Variants in DCBLD1 observed in about 807,000 individuals in gnomAD.
The protein encoded by DCBLD1 is discoidin, CUB and LCCL domain-containing protein 1.
DCBLD1 carries 57 observed loss-of-function variants against 71.5 expected under a neutral mutation model. The observed-to-expected ratio is 0.80, with a 90% CI of 0.64 to 0.99. The LOEUF (loss-of-function observed/expected upper bound fraction) is 0.99, where lower values mean the gene tolerates loss of function less well. DCBLD1 is among the 50% of genes least tolerant of loss of function. The probability of loss-of-function intolerance (pLI) is 0.00; values close to 1 mark genes in which losing one functional copy is unlikely to be tolerated. For synonymous variants in DCBLD1, 380 were observed against 363.8 expected (o/e 1.04, Z -0.51); for missense variants, 891 against 923.5 (o/e 0.96, Z 0.46).
chr6:117,569,789 C>A (rs1484811512), exon 15 of DCBLD1: 3 of 1,481,312 alleles, frequency 2.0e-6, no homozygotes, highest in East Asian at 5.1e-5. Flanking sequence ...GGTACAGTTA[C>A]CGATTAATCT....
At chr6:117,530,986 CCT>C (rs2114520101) in intron 5 of DCBLD1, among the ~76,000 whole-genome samples, 1 of 151,932 alleles carries the variant, frequency 6.6e-6, no homozygotes, top group African/African-American at 2.4e-5. Flanking sequence ...TGAAATCTTT[CCT>C]CTCTTTTGTT....
downstream of DCBLD1, among the ~76,000 whole-genome samples, chr6:117,552,049 G>A (rs888973801): frequency 6.6e-6 from 1 of 152,156 alleles, no homozygotes; most frequent in Admixed American, 6.5e-5. Flanking sequence ...GAGCCCAGAC[G>A]GTGGAGGTTG....
At chr6:117,496,409 A>C (rs576146186) in intron 1 of DCBLD1, among the ~76,000 whole-genome samples, 1 of 152,360 alleles carries the variant, frequency 6.6e-6, no homozygotes, top group South Asian at 2.1e-4. Flanking sequence ...CAAGGTAAAA[A>C]GCTAAGCACA....
intron 4 of DCBLD1, 61 bp downstream of exon 4, chr6:117,521,637 CACGTTAAACCAGAT>C: frequency 7.3e-7 from 1 of 1,374,188 alleles, no homozygotes; most frequent in South Asian, 1.3e-5. Flanking sequence ...TGTTTTCTTT[CACGTTAAACCAGAT>C]ACGTTTGTAC....
chr6:117,538,908 G>A (rs1392628119), intron 8 of DCBLD1, 73 bp downstream of exon 8: 7 of 1,462,406 alleles, frequency 4.8e-6, no homozygotes, highest in East Asian at 4.9e-5. Context: ...TTGAAAATAC[G>A]CTTATTGTTT....
At chr6:117,563,733 T>C (rs1341818474) in intron 14 of DCBLD1, among the ~76,000 whole-genome samples, 1 of 140,776 alleles carries the variant, frequency 7.1e-6, no homozygotes, top group East Asian at 2.1e-4. Flanking sequence ...ATTAAAAAAA[T>C]TAAAAAAAAA....
chr6:117,508,725 G>A (rs1777918200), intron 2 of DCBLD1, among the ~76,000 whole-genome samples: 1 of 152,156 alleles, frequency 6.6e-6, no homozygotes, highest in African/African-American at 2.4e-5. Flanking sequence ...ATAAGGTTGG[G>A]TCCGAGTTTT....
chr6:117,566,867 G>T (rs1260673132), intron 14 of DCBLD1: 1 of 1,569,746 alleles, frequency 6.4e-7, no homozygotes. Flanking sequence ...GTAATACTTT[G>T]ATTTCCCCAC....
At chr6:117,530,584 TC>T (rs1778683731) in intron 5 of DCBLD1, among the ~76,000 whole-genome samples, 1 of 152,058 alleles carries the variant, frequency 6.6e-6, no homozygotes, top group South Asian at 2.1e-4. Flanking sequence ...CTAGACAACA[TC>T]CAGTCCAGGC....
At chr6:117,491,707 T>C (rs1427395418) in intron 1 of DCBLD1, among the ~76,000 whole-genome samples, 1 of 152,180 alleles carries the variant, frequency 6.6e-6, no homozygotes, top group Non-Finnish European at 1.5e-5. Context: ...GGTCTACATA[T>C]TAGTTATTAT....
At chr6:117,566,026 C>T (rs899203892) in intron 14 of DCBLD1, among the ~76,000 whole-genome samples, 6 of 152,270 alleles carry the variant, frequency 3.9e-5, no homozygotes, top group African/African-American at 1.2e-4. Context: ...ACTGCCATTT[C>T]ATCAAAGATA....
chr6:117,545,675 G>A, intron 14 of DCBLD1, 78 bp downstream of exon 14: 1 of 1,530,650 alleles, frequency 6.5e-7, no homozygotes, highest in Non-Finnish European at 8.8e-7. Context: ...AGAGAAATAA[G>A]GCAAAATCCT....
At chr6:117,514,211 A>G (rs773086064) in intron 2 of DCBLD1, among the ~76,000 whole-genome samples, 1 of 152,234 alleles carries the variant, frequency 6.6e-6, no homozygotes, top group Non-Finnish European at 1.5e-5. Flanking sequence ...ATGTTTTGCC[A>G]TAGGCAATAC....
At chr6:117,544,666 A>T in intron 13 of DCBLD1, 89 bp downstream of exon 13, 2 of 1,438,784 alleles carry the variant, frequency 1.4e-6, no homozygotes, top group Non-Finnish European at 1.9e-6. Context: ...CCAGTGGCCC[A>T]CATTTATTTG....
intron 8 of DCBLD1, 70 bp from the exon 9 acceptor site, chr6:117,539,185 T>G: frequency 7.4e-7 from 1 of 1,353,560 alleles, no homozygotes; most frequent in Non-Finnish European, 9.9e-7. Flanking sequence ...AAAATGAAAC[T>G]TGAAATTATA....
rs1778993525 is a variant in DCBLD1, at chr6:117,538,827, AAAT to A, written c.971_973del (p.Ile324del). The stretch of plus-strand genomic sequence containing the variant: ...GAGATCGATTTGGGGGAGAAAAAGA[AAAT>A]AACAGGTGCAGAAAATAACACAAGT... On this transcript the variant is annotated inframe_deletion, in exon 8 of 15. Coordinates refer to ENST00000338728, the MANE Select transcript of DCBLD1 (RefSeq NM_001366458.2). The A allele has an allele frequency of 6.2e-7, 1 of 1,611,890 alleles. No homozygotes were observed. Among genetic ancestry groups the A allele is most frequent in the Non-Finnish European group, 8.5e-7 (1 of 1,179,010 alleles).
Position 117,483,068 on chromosome 6 carries a change from G to A in DCBLD1, c.112+175G>A, listed in dbSNP as rs529318788. On this transcript the variant is annotated intron_variant, in intron 1 of 14. Transcript: ENST00000338728. ...ATCCGCGGAGTCCGGCTCTACCCGCGGGGCTGGGGGTGAAGTAGGTTACTG... is the reference window on the plus strand; with the variant it reads ...ATCCGCGGAGTCCGGCTCTACCCGCAGGGCTGGGGGTGAAGTAGGTTACTG... Among the ~76,000 whole-genome samples the A allele has an allele frequency of 2.2e-3, 328 of 152,100 alleles. 2 individuals are homozygous for A. The highest frequency in any genetic ancestry group is 7.6e-3 in the African/African-American group (315 of 41,512).
chr6:117,505,341 A>G (rs9766914), intron 2 of DCBLD1, among the ~76,000 whole-genome samples: 63,477 of 151,898 alleles, frequency 0.42, 13,854 homozygotes, highest in Non-Finnish European at 0.44. Context: ...CTCATTAGCC[A>G]GGAGATTTCT....
At chr6:117,489,485 A>G (rs190817304) in intron 1 of DCBLD1, among the ~76,000 whole-genome samples, 3 of 152,310 alleles carry the variant, frequency 2.0e-5, no homozygotes, top group African/African-American at 7.2e-5. Flanking sequence ...TTTGTAGGAA[A>G]AGCTGCAAAG....
Sources: gnomAD v4.1 joint callset for allele counts (sites outside exome capture counted in the v4.1 genomes callset) on GRCh38, gnomAD v4.1.1 for gene constraint, MANE v1.5 for transcripts, NCBI Gene and HGNC (gene_info 2026-07-23, HGNC 2026-07-21) for gene names.